Variants in TUT7 observed in about 807,000 individuals in gnomAD.
TUT7 encodes terminal uridylyltransferase 7.
Under a neutral mutation model 165.9 loss-of-function variants are expected in TUT7, and 33 were observed. That is an observed-to-expected ratio of 0.20 (90% CI 0.15 to 0.27). TUT7 has a LOEUF of 0.27. Among genes scored for constraint, TUT7 ranks in the 10% least tolerant of loss-of-function variants. The probability of loss-of-function intolerance (pLI) is 1.00; values close to 1 mark genes in which losing one functional copy is unlikely to be tolerated. For synonymous variants in TUT7, 552 were observed against 608.1 expected (o/e 0.91, Z 1.36); for missense variants, 1,338 against 1,762.3 (o/e 0.76, Z 4.31).
At position 86,352,883 on chromosome 9, in the gene TUT7, T is replaced by C; in HGVS notation, c.317A>G (p.His106Arg). 1 of 1,614,232 alleles carries C rather than the reference T, an allele frequency of 6.2e-7. No homozygotes were observed. Among genetic ancestry groups the C allele is most frequent in the Non-Finnish European group, 8.5e-7 (1 of 1,180,024 alleles). ...DQSKRWLSDE[H>R]TGNSDNWREF... ...TCTCCAGTTGTCTGAATTACCAGTA[T>C]GTTCATCAGACAGCCATCTCTTACT... Residue 106 changes from histidine (H) to arginine (R), a missense_variant, in exon 2 of 27, where the codon CAT (histidine) becomes CGT (arginine). His to Arg is a conservative substitution (Grantham distance 29, BLOSUM62 0). Coordinates refer to ENST00000375963, the MANE Select transcript of TUT7 (RefSeq NM_024617.4).
intron 2 of TUT7, among the ~76,000 whole-genome samples, chr9:86,350,196 T>C (rs1832148256): frequency 6.6e-6 from 1 of 152,098 alleles, no homozygotes; most frequent in African/African-American, 2.4e-5. Flanking sequence ...CTAGGTGTGG[T>C]GGCACGTGCC....
At position 86,345,578 on chromosome 9, in the gene TUT7, T is replaced by C; in HGVS notation, c.819+91A>G. On this transcript the variant is annotated intron_variant, in intron 4 of 26. Coordinates refer to ENST00000375963, the MANE Select transcript of TUT7 (RefSeq NM_024617.4). Reference sequence around the variant, plus strand: ...ATAAATAAAGCAGTAAAGTTATCAATATCATAGCCTTAAGGAGAAGAAAGC... The same window carrying C: ...ATAAATAAAGCAGTAAAGTTATCAACATCATAGCCTTAAGGAGAAGAAAGC... 1.2e-5 allele frequency: 11 copies of C among 891,548 alleles called. No individual in the cohort carries two copies. In the South Asian group the frequency reaches 1.6e-4, roughly 13 times the overall value. 55.2% of individuals were successfully genotyped at this position (891,548 alleles called of 1,614,324 possible). A position where few individuals can be genotyped will look rare whatever the true frequency, so the allele number is the denominator to read the frequency against.
chr9:86,295,573 G>A (rs192021699), intron 26 of TUT7, among the ~76,000 whole-genome samples: 5 of 151,868 alleles, frequency 3.3e-5, no homozygotes, highest in Non-Finnish European at 1.5e-5. Context: ...TTCAAAGAAG[G>A]GTATCAACAA....
At chr9:86,334,708 T>C (rs75889449) in intron 10 of TUT7, among the ~76,000 whole-genome samples, 1 of 152,144 alleles carries the variant, frequency 6.6e-6, no homozygotes, top group African/African-American at 2.4e-5. Flanking sequence ...GGCAGAGACA[T>C]CCTGAGTTTT....
At chr9:86,340,538 G>A (rs2131563362) in intron 7 of TUT7, among the ~76,000 whole-genome samples, 1 of 152,290 alleles carries the variant, frequency 6.6e-6, no homozygotes, top group South Asian at 2.1e-4. Flanking sequence ...TAAGGACTAT[G>A]TAAAACACAA....
intron 2 of TUT7, 107 bp from the exon 3 acceptor site, chr9:86,346,587 T>G (rs536106901): frequency 1.7e-5 from 20 of 1,146,800 alleles, no homozygotes; most frequent in Non-Finnish European, 6.2e-6. Context: ...AAATCACATC[T>G]GCATGCAGAG....
intron 6 of TUT7, 49 bp from the exon 7 acceptor site, chr9:86,341,102 C>T (rs41283665): frequency 0.1 from 155,215 of 1,518,110 alleles, 8,997 homozygotes; most frequent in Middle Eastern, 0.19. Context: ...AGTGATTTTG[C>T]TTCACTGATA....
chr9:86,339,155 T>G (rs979253395), intron 8 of TUT7, among the ~76,000 whole-genome samples: 12 of 152,208 alleles, frequency 7.9e-5, no homozygotes, highest in African/African-American at 2.7e-4. Context: ...ATTTTCTGAG[T>G]AAACTTTATT....
chr9:86,315,262 A>G (rs918640317), intron 17 of TUT7, among the ~76,000 whole-genome samples: 1 of 152,230 alleles, frequency 6.6e-6, no homozygotes, highest in African/African-American at 2.4e-5. Context: ...GTTCCAGGCA[A>G]TCTGCATTCC....
At chr9:86,294,835 C>T (rs1316135554) in intron 26 of TUT7, among the ~76,000 whole-genome samples, 1 of 150,894 alleles carries the variant, frequency 6.6e-6, no homozygotes, top group Non-Finnish European at 1.5e-5. Context: ...TGGTGTGCTG[C>T]ACCCATTAAC....
rs1183876167 is a variant in TUT7, at chr9:86,322,452, T to G, written c.2901A>C (p.Leu967Phe). Residue 967 changes from leucine to phenylalanine, a missense_variant, in exon 14 of 27, where the codon TTA becomes TTC. Coordinates refer to ENST00000375963, the MANE Select transcript of TUT7 (RefSeq NM_024617.4). ...TCTTTAGATGACCCTCTCGTTTGCA[T>G]AAGCTGCACACTACCGTAGGAGACT... ...KGKSPTVVCS[L>F]CKREGHLKKD... 3 of 1,613,816 alleles carry G rather than the reference T, an allele frequency of 1.9e-6. No individual in the cohort carries two copies. Among genetic ancestry groups the G allele is most frequent in the Non-Finnish European group, 2.5e-6 (3 of 1,179,926 alleles).
intron 15 of TUT7, 69 bp downstream of exon 15, chr9:86,319,515 G>A: frequency 3.7e-6 from 4 of 1,084,886 alleles, no homozygotes; most frequent in South Asian, 2.9e-5. Flanking sequence ...CAGTGTGCTT[G>A]TAACACATGA....
At chr9:86,306,579 G>C (rs1352990822) in intron 22 of TUT7, among the ~76,000 whole-genome samples, 2 of 152,128 alleles carry the variant, frequency 1.3e-5, no homozygotes, top group African/African-American at 4.8e-5. Context: ...GGCTGAGGTG[G>C]GCTAATCACC....
At chr9:86,302,239 T>C (rs1361092865) in intron 25 of TUT7, among the ~76,000 whole-genome samples, 1 of 152,166 alleles carries the variant, frequency 6.6e-6, no homozygotes, top group Non-Finnish European at 1.5e-5. Context: ...AACATGTCTC[T>C]CTTGCCCCCC....
At chr9:86,297,061 CT>C (rs1314636777) in intron 26 of TUT7, among the ~76,000 whole-genome samples, 24 of 152,134 alleles carry the variant, frequency 1.6e-4, no homozygotes, top group African/African-American at 5.8e-4. Flanking sequence ...TTTCCAGTTG[CT>C]CAAAAGATTT....
At chr9:86,304,976 G>T in intron 23 of TUT7, 29 bp from the exon 24 acceptor site, 1 of 1,506,140 alleles carries the variant, frequency 6.6e-7, no homozygotes, top group Non-Finnish European at 9.2e-7. Context: ...ACTCACTTAG[G>T]CGGGTTAAAA....
intron 10 of TUT7, chr9:86,336,861 T>G (rs897779206): frequency 3.9e-4 from 59 of 152,384 alleles, no homozygotes; most frequent in African/African-American, 1.4e-3. Flanking sequence ...AAAGAAAGAG[T>G]GATCACATGA....
At chr9:86,326,952 C>T (rs1328526990) in intron 11 of TUT7, among the ~76,000 whole-genome samples, 1 of 152,104 alleles carries the variant, frequency 6.6e-6, no homozygotes, top group Non-Finnish European at 1.5e-5. Flanking sequence ...AAGTAATTTC[C>T]TCTAAGGTGC....
At chr9:86,328,743 GC>G (rs1830031895) in intron 10 of TUT7, among the ~76,000 whole-genome samples, 2 of 152,134 alleles carry the variant, frequency 1.3e-5, no homozygotes, top group Non-Finnish European at 2.9e-5. Flanking sequence ...AGGCAAAATG[GC>G]CTAGTGGCTG....
Sources: gnomAD v4.1 joint callset for allele counts (sites outside exome capture counted in the v4.1 genomes callset) on GRCh38, gnomAD v4.1.1 for gene constraint, MANE v1.5 for transcripts, NCBI Gene and HGNC (gene_info 2026-07-23, HGNC 2026-07-21) for gene names.